CHST15: variants seen among roughly 807,000 people sequenced by gnomAD.
CHST15 encodes the protein carbohydrate sulfotransferase 15, also known as B cell RAG associated protein (GALNAC4S-6ST).
A neutral mutation model predicts 53.6 loss-of-function variants in CHST15; 30 were observed. The observed-to-expected ratio is 0.56, with a 90% CI of 0.42 to 0.76. CHST15 has a LOEUF of 0.76. CHST15 is among the 30% of genes least tolerant of loss of function. CHST15 has a pLI of 0.00. For synonymous variants in CHST15, 296 were observed against 289.8 expected (o/e 1.02, Z -0.22); for missense variants, 627 against 740.5 (o/e 0.85, Z 1.78).
chr10:124,015,145 T>C (rs965360281), intron 6 of CHST15, among the ~76,000 whole-genome samples: 14 of 152,180 alleles, frequency 9.2e-5, no homozygotes, highest in African/African-American at 3.1e-4. Flanking sequence ...TGACAGTTTC[T>C]GGTGCAGGCA....
In CHST15 at chr10:124,045,925, G is replaced by A. The variant is rs756623520; in HGVS notation, c.288C>T (p.Tyr96=). 2.5e-6 allele frequency: 4 copies of A among 1,613,950 alleles called. No individual in the cohort carries two copies. In the Admixed American group the frequency reaches 5.0e-5, roughly 20 times the overall value. ...LIIMTLVMAS[Y]ILSGAHQELL... is the part of the protein sequence containing the mutation. Reference sequence around the variant, plus strand: ...GCTCTTGGTGGGCCCCAGAAAGGATGTAAGAAGCCATTACCAAGGTCATTA... The same window carrying A: ...GCTCTTGGTGGGCCCCAGAAAGGATATAAGAAGCCATTACCAAGGTCATTA... The change falls in exon 2 of 8, where the codon TAC becomes TAT. Residue 96 remains tyrosine, a synonymous_variant. Transcript: ENST00000435907.
In CHST15 at chr10:124,089,400, G is replaced by A. The variant is rs368435803; in HGVS notation, c.-513+4069C>T. On this transcript the variant is annotated intron_variant, in intron 1 of 7. Transcript: ENST00000435907. ...CTGGGCCTGCTGAGGCCCTAGGAACGGGGACAGGGCCTGAACGTGTAGATG... is the reference window on the plus strand; with the variant it reads ...CTGGGCCTGCTGAGGCCCTAGGAACAGGGACAGGGCCTGAACGTGTAGATG... Among the ~76,000 whole-genome samples, 70 of 152,320 alleles carry A rather than the reference G, an allele frequency of 4.6e-4. 2 individuals carry two copies. In the East Asian group the frequency reaches 0.011, roughly 25 times the overall value.
chr10:124,085,012 C>T (rs556988354), intron 1 of CHST15, among the ~76,000 whole-genome samples: 18 of 152,348 alleles, frequency 1.2e-4, no homozygotes, highest in Non-Finnish European at 2.5e-4. Flanking sequence ...TCTTGTAATC[C>T]TGGCGGTTCC....
chr10:124,017,669 A>G (rs1946632150), intron 6 of CHST15, among the ~76,000 whole-genome samples: 1 of 152,162 alleles, frequency 6.6e-6, no homozygotes, highest in Admixed American at 6.5e-5. Context: ...TTGAAGCCAA[A>G]CACACATCTA....
chr10:124,018,615 G>A (rs116801259), intron 6 of CHST15, among the ~76,000 whole-genome samples: 3,043 of 152,336 alleles, frequency 0.02, 98 homozygotes, highest in African/African-American at 0.069. Context: ...AGGAGGAGGG[G>A]ACAGGGAGGC....
At chr10:124,044,429 C>A in intron 3 of CHST15, 151 bp downstream of exon 3, 1 of 631,316 alleles carries the variant, frequency 1.6e-6, no homozygotes. Flanking sequence ...CCAGACCCTG[C>A]TGGGTCTTTG....
chr10:124,081,004 G>C (rs1024831745), intron 1 of CHST15, among the ~76,000 whole-genome samples: 2 of 152,164 alleles, frequency 1.3e-5, no homozygotes, highest in Admixed American at 6.5e-5. Flanking sequence ...TCTGTCAAAG[G>C]AGACTCCTGG....
chr10:124,058,431 G>A (rs1948454604), intron 1 of CHST15, among the ~76,000 whole-genome samples: 1 of 152,198 alleles, frequency 6.6e-6, no homozygotes, highest in South Asian at 2.1e-4. Flanking sequence ...GGAAACTGAG[G>A]CACAGCAGGG....
At chr10:124,027,174 G>A (rs535366489) in intron 5 of CHST15, among the ~76,000 whole-genome samples, 3 of 152,284 alleles carry the variant, frequency 2.0e-5, no homozygotes, top group African/African-American at 4.8e-5. Flanking sequence ...GAAGGCTGTC[G>A]GCGCGGCCCC....
In CHST15 at chr10:124,044,763, C is replaced by T. The variant is rs1053007460; in HGVS notation, c.703G>A (p.Ala235Thr). 2 of 1,612,164 alleles carry T rather than the reference C, an allele frequency of 1.2e-6. No individual in the cohort carries two copies. Among genetic ancestry groups the T allele is most frequent in the East Asian group, 2.2e-5 (1 of 44,772 alleles). Residue 235 changes from alanine to threonine, a missense_variant, in exon 3 of 8, where the codon GCC becomes ACC. Ala to Thr is a moderately conservative substitution (Grantham distance 58, BLOSUM62 0). Transcript: ENST00000435907. Reference sequence around the variant, plus strand: ...GCGTGCGCCAGGTGGCCCCAGAAGGCCTTGCGCAGGGCGTCGAAGGTGGAG... The same window carrying T: ...GCGTGCGCCAGGTGGCCCCAGAAGGTCTTGCGCAGGGCGTCGAAGGTGGAG... ...FRSTFDALRK[A>T]FWGHLAHAHG...
chr10:124,012,319 C>A lies in CHST15; in HGVS notation c.1495+14G>T. The A allele has an allele frequency of 1.2e-6, 2 of 1,611,874 alleles. No homozygotes were observed. The highest frequency in any genetic ancestry group is 1.7e-6 in the Non-Finnish European group (2 of 1,178,504). On this transcript the variant is annotated intron_variant, in intron 7 of 7. Transcript: ENST00000435907. ...TCATGCTTTGGCCCGTCAGTCTAAGCACCACACTCATACCTAGGTTCAGAA... is the reference window on the plus strand; with the variant it reads ...TCATGCTTTGGCCCGTCAGTCTAAGAACCACACTCATACCTAGGTTCAGAA...
chr10:124,079,129 A>G lies in CHST15; in HGVS notation c.-513+14340T>C, dbSNP rs572957831. Among the ~76,000 whole-genome samples, 412 of 152,308 alleles carry G rather than the reference A, an allele frequency of 2.7e-3. 2 individuals are homozygous for G. The highest frequency in any genetic ancestry group is 9.6e-3 in the African/African-American group (398 of 41,566). ...ATTCTAAACCAAACTACTCAGAAAAAAAAATTTCTTTTATCTTTCCATTTA... is the reference window on the plus strand; with the variant it reads ...ATTCTAAACCAAACTACTCAGAAAAGAAAATTTCTTTTATCTTTCCATTTA... On this transcript the variant is annotated intron_variant, in intron 1 of 7. Transcript: ENST00000435907.
At chr10:124,023,934 C>T (rs1946893893) in intron 5 of CHST15, among the ~76,000 whole-genome samples, 1 of 152,036 alleles carries the variant, frequency 6.6e-6, no homozygotes, top group South Asian at 2.1e-4. Flanking sequence ...ACCTCCGCCT[C>T]CCGGGTTCAA....
Position 124,021,239 on chromosome 10 carries a change from G to GGGT in CHST15, c.1347+16_1347+17insACC. On this transcript the variant is annotated intron_variant, in intron 6 of 7. Transcript: ENST00000435907. The stretch of plus-strand genomic sequence containing the variant: ...CCAGGGGCCAGCTCGGGGGGTACGG[G>GGGT]GGGGGGGGGTACACACAGGCATGGC... 6.9e-7 allele frequency: 1 copy of GGGT among 1,441,750 alleles called. No individual in the cohort carries two copies. The highest frequency in any genetic ancestry group is 9.4e-7 in the Non-Finnish European group (1 of 1,064,190). 89.3% of individuals were successfully genotyped at this position (1,441,750 alleles called of 1,614,324 possible). A position where few individuals can be genotyped will look rare whatever the true frequency, so the allele number is the denominator to read the frequency against.
At chr10:124,088,821 A>G (rs748611497) in intron 1 of CHST15, among the ~76,000 whole-genome samples, 6 of 152,170 alleles carry the variant, frequency 3.9e-5, no homozygotes, top group Non-Finnish European at 7.3e-5. Context: ...TGTTGGCCCA[A>G]ATGGACACAA....
chr10:124,070,612 T>C (rs1265499649), intron 1 of CHST15, among the ~76,000 whole-genome samples: 3 of 152,226 alleles, frequency 2.0e-5, no homozygotes, highest in Admixed American at 2.0e-4. Flanking sequence ...CTTGACCTCG[T>C]GATCTGTCTG....
chr10:124,065,653 C>A, intron 1 of CHST15, among the ~76,000 whole-genome samples: 1 of 152,160 alleles, frequency 6.6e-6, no homozygotes, highest in Middle Eastern at 3.2e-3. Context: ...CCCATTACGG[C>A]AGCTCATTCC....
intron 6 of CHST15, among the ~76,000 whole-genome samples, chr10:124,017,187 C>G (rs1452138691): frequency 6.6e-6 from 1 of 152,184 alleles, no homozygotes; most frequent in Non-Finnish European, 1.5e-5. Flanking sequence ...GGAGTTCCCC[C>G]CTGCCCTGCC....
intron 1 of CHST15, among the ~76,000 whole-genome samples, chr10:124,051,599 G>A (rs1483605554): frequency 6.6e-6 from 1 of 152,214 alleles, no homozygotes. Context: ...AAGGATTCAG[G>A]TATACATTTC....
Sources: allele counts gnomAD v4.1 joint callset (sites outside exome capture counted in the v4.1 genomes callset), GRCh38; gene constraint gnomAD v4.1.1; transcripts MANE v1.5; gene names NCBI Gene and HGNC (gene_info 2026-07-23, HGNC 2026-07-21).